CNTN5: variants seen among roughly 807,000 people sequenced by gnomAD.
The protein encoded by CNTN5 is contactin 5, also known as contactin-5.
Under a neutral mutation model 129.1 loss-of-function variants are expected in CNTN5, and 77 were observed. The ratio of observed to expected loss-of-function variants is 0.60; its 90% CI spans 0.50 to 0.72. The LOEUF (loss-of-function observed/expected upper bound fraction) is 0.72, where lower values mean the gene tolerates loss of function less well. CNTN5 is among the 30% of genes least tolerant of loss of function. The pLI is 0.00. For synonymous variants in CNTN5, 509 were observed against 465.6 expected (o/e 1.09, Z -1.20); for missense variants, 1,478 against 1,328.8 (o/e 1.11, Z -1.75).
chr11:99,392,491 A>G (rs557817376), intron 2 of CNTN5, among the ~76,000 whole-genome samples: 1 of 151,828 alleles, frequency 6.6e-6, no homozygotes, highest in African/African-American at 2.4e-5. Context: ...GATAAGGCTA[A>G]CTTTTCATCC....
intron 13 of CNTN5, among the ~76,000 whole-genome samples, chr11:100,179,808 T>C (rs1292946056): frequency 1.3e-5 from 2 of 152,112 alleles, no homozygotes; most frequent in Non-Finnish European, 2.9e-5. Flanking sequence ...CAAAGGAAAT[T>C]TATATTTTAT....
At chr11:100,274,513 A>C (rs1950467719) in intron 18 of CNTN5, among the ~76,000 whole-genome samples, 1 of 152,234 alleles carries the variant, frequency 6.6e-6, no homozygotes, top group Non-Finnish European at 1.5e-5. Flanking sequence ...AAGGAACTTA[A>C]ACAAATTTAC....
intron 1 of CNTN5, among the ~76,000 whole-genome samples, chr11:99,294,422 G>T (rs1349816750): frequency 6.6e-6 from 1 of 152,120 alleles, no homozygotes; most frequent in Non-Finnish European, 1.5e-5. Context: ...TTTACAATGA[G>T]TATGAAAAAT....
At chr11:100,038,725 G>T (rs963053817) in intron 9 of CNTN5, among the ~76,000 whole-genome samples, 1 of 151,834 alleles carries the variant, frequency 6.6e-6, no homozygotes, top group Middle Eastern at 3.2e-3. Flanking sequence ...TTATGTAATG[G>T]CCTTCTTTGT....
intron 9 of CNTN5, among the ~76,000 whole-genome samples, chr11:100,057,833 A>G (rs893414979): frequency 6.6e-6 from 1 of 152,070 alleles, no homozygotes; most frequent in Non-Finnish European, 1.5e-5. Context: ...AGAATATGCA[A>G]GGAGCATCAT....
At chr11:100,001,948 C>T in intron 8 of CNTN5, 86 bp from the exon 9 acceptor site, 1 of 947,206 alleles carries the variant, frequency 1.1e-6, no homozygotes, top group Middle Eastern at 2.1e-4. Context: ...AACCAAACCA[C>T]AGTGATTTTC....
At chr11:100,067,775 TGATAGCACATTTATGTTCGTATCTTCA>T (rs1263902762) in intron 10 of CNTN5, among the ~76,000 whole-genome samples, 1 of 151,896 alleles carries the variant, frequency 6.6e-6, no homozygotes. Flanking sequence ...CAAACAGATA[TGATAGCACATTTATGTTCGTATCTTCA>T]GAGTAAGCAT....
At chr11:99,790,175 T>G (rs1314666026) in intron 3 of CNTN5, among the ~76,000 whole-genome samples, 1 of 152,092 alleles carries the variant, frequency 6.6e-6, no homozygotes, top group African/African-American at 2.4e-5. Flanking sequence ...TGCCACATTT[T>G]CTTTTTTAAA....
intron 9 of CNTN5, among the ~76,000 whole-genome samples, chr11:100,052,309 T>A (rs1337396495): frequency 6.6e-6 from 1 of 151,752 alleles, no homozygotes; most frequent in African/African-American, 2.4e-5. Context: ...TTTCCTTTTA[T>A]CACCACCTCT....
At chr11:99,965,831 A>G (rs1202363480) in intron 8 of CNTN5, among the ~76,000 whole-genome samples, 1 of 151,926 alleles carries the variant, frequency 6.6e-6, no homozygotes, top group East Asian at 1.9e-4. Context: ...CTATTCAAAA[A>G]CTTTCACATC....
chr11:99,611,623 G>A (rs1950595251), intron 3 of CNTN5, among the ~76,000 whole-genome samples: 1 of 152,110 alleles, frequency 6.6e-6, no homozygotes, highest in Admixed American at 6.6e-5. Context: ...CAATAGCTAT[G>A]AATTTACCAA....
intron 3 of CNTN5, chr11:99,558,243 T>C (rs1390436188): frequency 1.2e-5 from 5 of 403,068 alleles, no homozygotes; most frequent in Non-Finnish European, 2.5e-5. Context: ...ATCTCAGTTG[T>C]TTCTCTTTTA....
intron 3 of CNTN5, among the ~76,000 whole-genome samples, chr11:99,727,347 G>T (rs1303880290): frequency 3.6e-5 from 5 of 137,378 alleles, no homozygotes; most frequent in African/African-American, 1.3e-4. Flanking sequence ...CCAGGGCATT[G>T]TGCTGCTATT....
intron 16 of CNTN5, among the ~76,000 whole-genome samples, chr11:100,235,853 G>T (rs72985615): frequency 0.1 from 15,253 of 152,062 alleles, 997 homozygotes; most frequent in Middle Eastern, 0.15. Context: ...CTTCACTTTC[G>T]TTTTTTGAGG....
chr11:99,753,034 C>T (rs917605311), intron 3 of CNTN5, among the ~76,000 whole-genome samples: 1 of 150,172 alleles, frequency 6.7e-6, no homozygotes, highest in East Asian at 2.0e-4. Context: ...TCTTGTTTAT[C>T]GTAGGGACTC....
chr11:99,992,755 T>C (rs1292947159), intron 8 of CNTN5, among the ~76,000 whole-genome samples: 28 of 152,086 alleles, frequency 1.8e-4, no homozygotes, highest in Admixed American at 1.8e-3. Flanking sequence ...TCAAAAGTAA[T>C]TGGAATAAAT....
rs11223107 is a variant in CNTN5, at chr11:100,181,325, T to G, written c.1581-9801T>G. Reference sequence around the variant, plus strand: ...CCAATCCCCAAAAGTTATATACTGTTAGATTCCACTAATCTAAGATTTTTT... The same window carrying G: ...CCAATCCCCAAAAGTTATATACTGTGAGATTCCACTAATCTAAGATTTTTT... On this transcript the variant is annotated intron_variant, in intron 13 of 24. Transcript: ENST00000524871. Among the ~76,000 whole-genome samples, 49 of 152,154 alleles carry G rather than the reference T, an allele frequency of 3.2e-4. No homozygotes were observed. The East Asian group carries it at 7.5e-3, about 23-fold the overall frequency.
chr11:99,581,488 A>G (rs1291608678), intron 3 of CNTN5, among the ~76,000 whole-genome samples: 2 of 149,550 alleles, frequency 1.3e-5, no homozygotes, highest in Non-Finnish European at 3.0e-5. Context: ...TAGGTCACTA[A>G]GGACTTGCTT....
chr11:99,059,756 A>C (rs564020307), intron 1 of CNTN5, among the ~76,000 whole-genome samples: 4 of 151,884 alleles, frequency 2.6e-5, no homozygotes, highest in Middle Eastern at 3.4e-3. Flanking sequence ...ATATATACAG[A>C]CTCCAGTGTG....
Sources: gnomAD v4.1 joint callset for allele counts (sites outside exome capture counted in the v4.1 genomes callset) on GRCh38, gnomAD v4.1.1 for gene constraint, MANE v1.5 for transcripts, NCBI Gene and HGNC (gene_info 2026-07-23, HGNC 2026-07-21) for gene names.